Variants in ADAM7 observed in about 807,000 individuals in gnomAD.
ADAM7 encodes disintegrin and metalloproteinase domain-containing protein 7.
In ADAM7, 97 loss-of-function variants were observed where a neutral mutation model predicts 102.9. That is an observed-to-expected ratio of 0.94 (90% CI 0.80 to 1.12). The LOEUF (loss-of-function observed/expected upper bound fraction) is 1.12. Among genes scored for constraint, ADAM7 ranks in the 50% most tolerant of loss-of-function variants. The pLI is 0.00. For missense variants in ADAM7, 991 were observed against 908.7 expected (o/e 1.09, Z -1.16); for synonymous variants, 334 against 304.4 (o/e 1.10, Z -1.01).
At chr8:24,457,876 G>T (rs1445562616) in intron 3 of ADAM7, among the ~76,000 whole-genome samples, 3 of 151,718 alleles carry the variant, frequency 2.0e-5, no homozygotes, top group Non-Finnish European at 4.4e-5. Context: ...GTGTGTGTGT[G>T]TGTGTGTGTG....
In ADAM7 at chr8:24,500,223, C is replaced by A; in HGVS notation, c.1969C>A (p.Pro657Thr). ...GTGCCACTGTGAGGAAGGACAGGCA[C>A]CTGTAGCCTGTGAAGAAACCTTACA... The part of the protein sequence containing the change: ...LQCHCEEGQA[P>T]VACEETLHVT... The change falls in exon 18 of 22, where the codon CCT becomes ACT. Residue 657 changes from proline to threonine, a missense_variant. Physicochemically the swap from Pro to Thr is conservative, Grantham distance 38. Transcript: ENST00000175238. The A allele has an allele frequency of 6.2e-7, 1 of 1,611,876 alleles. No homozygotes were observed. Among genetic ancestry groups the A allele is most frequent in the South Asian group, 1.1e-5 (1 of 90,940 alleles).
chr8:24,492,442 A>C lies in ADAM7; in HGVS notation c.1553-53A>C. ...CATTAGAAAAATAAGGTCTTTTATG[A>C]TTCATGATAGTCATGCTTTATTGTT... On this transcript the variant is annotated intron_variant, in intron 14 of 21. Transcript: ENST00000175238. 11 of 1,286,324 alleles carry C rather than the reference A, an allele frequency of 8.6e-6. 1 individual carries two copies. The South Asian group carries it at 1.4e-4, about 16-fold the overall frequency. The allele number at this position is 1,286,324 out of a possible 1,614,324, so 79.7% of individuals were successfully genotyped here. A position where few individuals can be genotyped will look rare whatever the true frequency, so the allele number is the denominator to read the frequency against.
At chr8:24,444,502 G>A (rs1243356687) in intron 2 of ADAM7, among the ~76,000 whole-genome samples, 2 of 151,816 alleles carry the variant, frequency 1.3e-5, no homozygotes, top group Non-Finnish European at 2.9e-5. Context: ...ACGTGATCAG[G>A]TTTAACACTT....
At chr8:24,505,141 A>G (rs1820907176) in intron 20 of ADAM7, among the ~76,000 whole-genome samples, 1 of 152,150 alleles carries the variant, frequency 6.6e-6, no homozygotes, top group Admixed American at 6.6e-5. Context: ...ACGATGCCTC[A>G]TGTGCTGTTG....
chr8:24,500,959 G>T (rs567529439), intron 19 of ADAM7, 64 bp downstream of exon 19: 1 of 1,356,004 alleles, frequency 7.4e-7, no homozygotes, highest in Non-Finnish European at 1.0e-6. Context: ...TAAGCTTTGT[G>T]GTTATAGAGG....
At position 24,500,162 on chromosome 8, in the gene ADAM7, T is replaced by C. The variant is rs774115354; in HGVS notation, c.1924-16T>C. The C allele has an allele frequency of 1.1e-4, 170 of 1,603,360 alleles. No individual in the cohort carries two copies. The East Asian group carries it at 3.8e-3, about 36-fold the overall frequency. On this transcript the variant is annotated splice_polypyrimidine_tract_variant and intron_variant, in intron 17 of 21. Transcript: ENST00000175238. ...ATATCAGTCATTTGAGAATATATCATTGACTGCTCTTCCAGGTGGATGGCC... is the reference window on the plus strand; with the variant it reads ...ATATCAGTCATTTGAGAATATATCACTGACTGCTCTTCCAGGTGGATGGCC...
chr8:24,460,020 C>T (rs1294581599), intron 3 of ADAM7, among the ~76,000 whole-genome samples: 2 of 151,680 alleles, frequency 1.3e-5, no homozygotes, highest in Non-Finnish European at 1.5e-5. Flanking sequence ...TCTGGGATTT[C>T]TTCTTTGAGT....
At chr8:24,503,502 T>C (rs554979424) in intron 20 of ADAM7, among the ~76,000 whole-genome samples, 1 of 152,250 alleles carries the variant, frequency 6.6e-6, no homozygotes, top group East Asian at 1.9e-4. Context: ...GAAATACCAT[T>C]TGACCCAGCA....
chr8:24,469,688 CTAAA>C (rs1563382207), intron 7 of ADAM7, among the ~76,000 whole-genome samples: 1 of 151,714 alleles, frequency 6.6e-6, no homozygotes, highest in Non-Finnish European at 1.5e-5. Flanking sequence ...TGCTGTGACA[CTAAA>C]TGTTTTAAAG....
rs368758681 is a variant in ADAM7, at chr8:24,486,087, A to G, written c.960+726A>G. ...ACATAAGTTTTGGATCATAGAGTCAATTTCATCTGATATATGCTGTTAGAT... is the reference window on the plus strand; with the variant it reads ...ACATAAGTTTTGGATCATAGAGTCAGTTTCATCTGATATATGCTGTTAGAT... On this transcript the variant is annotated intron_variant, in intron 10 of 21. Coordinates refer to ENST00000175238, the MANE Select transcript of ADAM7 (RefSeq NM_003817.4). 2.7e-4 allele frequency among the ~76,000 whole-genome samples: 41 copies of G among 152,274 alleles called. 3 individuals are homozygous for G. In the South Asian group the frequency reaches 8.1e-3, roughly 30 times the overall value.
At chr8:24,504,727 AT>A (rs1563399850) in intron 20 of ADAM7, among the ~76,000 whole-genome samples, 1 of 152,000 alleles carries the variant, frequency 6.6e-6, no homozygotes, top group African/African-American at 2.4e-5. Context: ...AAGCCTTGTG[AT>A]TTTTACTGCA....
At chr8:24,457,440 A>C (rs1819075837) in intron 3 of ADAM7, among the ~76,000 whole-genome samples, 1 of 151,864 alleles carries the variant, frequency 6.6e-6, no homozygotes, top group African/African-American at 2.4e-5. Context: ...CATGACTGGC[A>C]AATTTTTTGT....
intron 16 of ADAM7, among the ~76,000 whole-genome samples, chr8:24,495,153 T>C (rs928133713): frequency 6.6e-6 from 1 of 152,182 alleles, no homozygotes; most frequent in Non-Finnish European, 1.5e-5. Context: ...GGAATGGTTT[T>C]AGAGAAGATC....
chr8:24,483,862 G>T (rs1820044035), intron 9 of ADAM7, among the ~76,000 whole-genome samples: 1 of 152,102 alleles, frequency 6.6e-6, no homozygotes, highest in South Asian at 2.1e-4. Context: ...AACTACTTTA[G>T]AACACCTCCG....
chr8:24,468,520 T>A (rs1190303760), intron 6 of ADAM7, among the ~76,000 whole-genome samples: 2 of 150,392 alleles, frequency 1.3e-5, no homozygotes, highest in Middle Eastern at 3.4e-3. Flanking sequence ...AAATTAAATT[T>A]AAAAAAAAGA....
At chr8:24,477,147 A>G (rs1819794655) in intron 8 of ADAM7, among the ~76,000 whole-genome samples, 1 of 152,206 alleles carries the variant, frequency 6.6e-6, no homozygotes, top group African/African-American at 2.4e-5. Context: ...TGTAAATACA[A>G]TGGCTTTAAA....
At position 24,465,680 on chromosome 8, in the gene ADAM7, G is replaced by A; in HGVS notation, c.313-19G>A. ...ATCAATATTTATACATATAGTAATA[G>A]AGTCTTCTTCTATTTTAGGATCATT... On this transcript the variant is annotated intron_variant, in intron 4 of 21. Transcript: ENST00000175238. The A allele has an allele frequency of 6.6e-7, 1 of 1,519,214 alleles. No individual in the cohort carries two copies. The highest frequency in any genetic ancestry group is 9.0e-7 in the Non-Finnish European group (1 of 1,115,690). The allele number at this position is 1,519,214 out of a possible 1,614,324, so 94.1% of individuals were successfully genotyped here.
chr8:24,443,333 G>T (rs1239019908), intron 2 of ADAM7, among the ~76,000 whole-genome samples: 2 of 152,040 alleles, frequency 1.3e-5, no homozygotes, highest in South Asian at 2.1e-4. Context: ...CACTTGTTAG[G>T]TTTCTCAGTC....
At chr8:24,487,734 A>G (rs1159212639) in intron 11 of ADAM7, among the ~76,000 whole-genome samples, 1 of 152,124 alleles carries the variant, frequency 6.6e-6, no homozygotes, top group African/African-American at 2.4e-5. Context: ...AAGCTATGGA[A>G]TTTCCTAAAA....
Sources: gnomAD v4.1 joint callset for allele counts (sites outside exome capture counted in the v4.1 genomes callset) on GRCh38, gnomAD v4.1.1 for gene constraint, MANE v1.5 for transcripts, NCBI Gene and HGNC (gene_info 2026-07-23, HGNC 2026-07-21) for gene names.